Variants in KLRD1 observed in about 807,000 individuals in gnomAD.
KLRD1 encodes natural killer cells antigen CD94.
Under a neutral mutation model 22.6 loss-of-function variants are expected in KLRD1, and 21 were observed. The observed-to-expected ratio is 0.93, with a 90% CI of 0.66 to 1.34. The LOEUF is 1.34. Ranked by LOEUF, KLRD1 falls within the 40% of genes most tolerant of loss-of-function variation. KLRD1 has a pLI of 0.00. For synonymous variants in KLRD1, 59 were observed against 71.1 expected, an observed-to-expected ratio of 0.83 and a Z score of 0.85; for missense variants, 183 against 208.6, an observed-to-expected ratio of 0.88 and a Z score of 0.76.
chr12:10,261,041 A>G (rs1949449338), intron 1 of KLRD1, among the ~76,000 whole-genome samples: 1 of 152,090 alleles, frequency 6.6e-6, no homozygotes, highest in Non-Finnish European at 1.5e-5. Context: ...CTTTATGTGC[A>G]TTTTTTGTTT....
intron 1 of KLRD1, 37 bp from the exon 2 acceptor site, chr12:10,309,351 C>T: frequency 1.1e-6 from 1 of 917,228 alleles, no homozygotes; most frequent in Admixed American, 2.0e-5. Context: ...CCTGAGTTTG[C>T]TCTTTAAGTC....
chr12:10,311,552 A>G lies in KLRD1; in HGVS notation c.252A>G (p.Glu84=). 6.2e-7 allele frequency: 1 copy of G among 1,614,132 alleles called. No individual in the cohort carries two copies. The change falls in exon 4 of 6, where the codon GAA becomes GAG. Residue 84 remains glutamate (E), a synonymous_variant. Transcript: ENST00000336164. ...FISSEQKTWN[E]SRHLCASQKS... ...CCAGTGAACAGAAAACTTGGAACGA[A>G]AGTCGGCATCTCTGTGCTTCTCAGA...
At chr12:10,270,445 G>T (rs2537796) in intron 1 of KLRD1, among the ~76,000 whole-genome samples, 148,892 of 152,282 alleles carry the variant, frequency 0.98, 72,870 homozygotes, top group East Asian at 1. Context: ...ATGGAGACAC[G>T]GTTCAAAAAG....
chr12:10,274,778 A>G (rs1949578319), intron 1 of KLRD1, among the ~76,000 whole-genome samples: 1 of 152,182 alleles, frequency 6.6e-6, no homozygotes, highest in Non-Finnish European at 1.5e-5. Flanking sequence ...TATGTATTTT[A>G]AAGAGTTTTT....
At chr12:10,269,867 T>A (rs2537797) in intron 1 of KLRD1, among the ~76,000 whole-genome samples, 148,234 of 152,236 alleles carry the variant, frequency 0.97, 72,282 homozygotes, top group East Asian at 1. Flanking sequence ...TAATATTAAG[T>A]CAAATTTAGT....
upstream of KLRD1, among the ~76,000 whole-genome samples, chr12:10,301,923 ATAGT>A (rs1046774456): frequency 8.5e-5 from 13 of 152,254 alleles, no homozygotes; most frequent in African/African-American, 2.6e-4. Context: ...ATCTCAGGTA[ATAGT>A]TAGGCTTGAG....
At chr12:10,283,621 A>C (rs1949667870) in intron 1 of KLRD1, among the ~76,000 whole-genome samples, 1 of 152,102 alleles carries the variant, frequency 6.6e-6, no homozygotes, top group Non-Finnish European at 1.5e-5. Context: ...GAGGGGAAAG[A>C]CAAAATAACA....
At chr12:10,245,984 A>G (rs1442111526) in intron 1 of KLRD1, among the ~76,000 whole-genome samples, 5 of 152,158 alleles carry the variant, frequency 3.3e-5, no homozygotes, top group Admixed American at 2.6e-4. Flanking sequence ...ATGCCTGGCC[A>G]ATTTACTTTA....
rs1381466136 is a variant in KLRD1 at position 10,309,676 on chromosome 12, G to A, written c.151G>A (p.Glu51Lys). 10 of 1,612,074 alleles carry A rather than the reference G, an allele frequency of 6.2e-6. No individual in the cohort carries two copies. The highest frequency in any genetic ancestry group is 8.5e-6 in the Non-Finnish European group (10 of 1,178,466). Reference sequence around the variant, plus strand: ...AGCATTTACTCCAGGACCCAACATAGAACTCCAGAAAGGTAGGTCACATTT... The same window carrying A: ...AGCATTTACTCCAGGACCCAACATAAAACTCCAGAAAGGTAGGTCACATTT... ...EPAFTPGPNIELQKDSDCCSC... is the reference protein window; with the variant it reads ...EPAFTPGPNIKLQKDSDCCSC... The change falls in exon 3 of 6, where the codon GAA becomes AAA. Residue 51 changes from glutamate to lysine, a missense_variant. Coordinates refer to ENST00000336164, the MANE Select transcript of KLRD1 (RefSeq NM_002262.5).
rs1413370323 is a variant in KLRD1 at position 10,329,036 on chromosome 12, T to C, written c.*14243T>C. 2 of 152,152 alleles carry C rather than the reference T, an allele frequency of 1.3e-5. No individual in the cohort carries two copies. Among genetic ancestry groups the C allele is most frequent in the Non-Finnish European group, 2.9e-5 (2 of 68,022 alleles). The allele number at this position is 152,152 out of a possible 1,614,324, so 9.4% of individuals were successfully genotyped here. A position where few individuals can be genotyped will look rare whatever the true frequency, so the allele number is the denominator to read the frequency against. On this transcript the variant is annotated 3_prime_UTR_variant, in exon 6 of 6. Coordinates refer to ENST00000336164, the MANE Select transcript of KLRD1 (RefSeq NM_002262.5). ...GGGTCCCTCCACCAACATGGGGGAA[T>C]TATGGGAGCTACAATTCAAGATGAG...
At chr12:10,299,216 G>GTT in intron 1 of KLRD1, among the ~76,000 whole-genome samples, 1 of 149,026 alleles carries the variant, frequency 6.7e-6, no homozygotes, top group East Asian at 2.0e-4. Flanking sequence ...GTTTTGTTTT[G>GTT]TTTTGTTTTT....
rs891770449 is a variant in KLRD1, at chr12:10,317,088, C to G, written c.*2295C>G. ...TGAGAATGATGGTTTCCAGCTTCATCCATGTCGCTGCAAAGGACATGAACT... is the reference window on the plus strand; with the variant it reads ...TGAGAATGATGGTTTCCAGCTTCATGCATGTCGCTGCAAAGGACATGAACT... On this transcript the variant is annotated 3_prime_UTR_variant, in exon 6 of 6. Coordinates refer to ENST00000336164, the MANE Select transcript of KLRD1 (RefSeq NM_002262.5). The G allele has an allele frequency of 1.3e-5, 2 of 152,166 alleles. No individual in the cohort carries two copies. Among genetic ancestry groups the G allele is most frequent in the Non-Finnish European group, 2.9e-5 (2 of 68,058 alleles). The allele number at this position is 152,166 out of a possible 1,614,324, so 9.4% of individuals were successfully genotyped here.
chr12:10,312,891 G>C (rs1016721880), intron 4 of KLRD1, among the ~76,000 whole-genome samples: 1 of 151,716 alleles, frequency 6.6e-6, no homozygotes, highest in Non-Finnish European at 1.5e-5. Flanking sequence ...GGAGGCGGAG[G>C]CAGGAGAATG....
rs1950263584 is a variant in KLRD1, at chr12:10,317,809, T to A, written c.*3016T>A. 6.6e-6 allele frequency: 1 copy of A among 152,216 alleles called. No individual in the cohort carries two copies. The allele number at this position is 152,216 out of a possible 1,614,324, so 9.4% of individuals were successfully genotyped here. A position where few individuals can be genotyped will look rare whatever the true frequency, so the allele number is the denominator to read the frequency against. The stretch of plus-strand genomic sequence containing the variant: ...ATAAAGACATTTAATTGACTCACAG[T>A]TCTGCAGGGTTGGAGAAGCCTCAGG... On this transcript the variant is annotated 3_prime_UTR_variant, in exon 6 of 6. Coordinates refer to ENST00000336164, the MANE Select transcript of KLRD1 (RefSeq NM_002262.5).
intron 1 of KLRD1, among the ~76,000 whole-genome samples, chr12:10,259,312 CCAT>C (rs1254012828): frequency 1.3e-5 from 2 of 152,142 alleles, no homozygotes; most frequent in African/African-American, 4.8e-5. Context: ...ATGCATTCCT[CCAT>C]CATCATCATA....
upstream of KLRD1, among the ~76,000 whole-genome samples, chr12:10,305,349 C>T (rs543512396): frequency 6.6e-6 from 1 of 152,248 alleles, no homozygotes; most frequent in Admixed American, 6.5e-5. Context: ...GGAATTTAGT[C>T]TGGTTTCTCT....
chr12:10,305,668 C>G (rs1412823221), upstream of KLRD1, among the ~76,000 whole-genome samples: 1 of 152,144 alleles, frequency 6.6e-6, no homozygotes, highest in African/African-American at 2.4e-5. Context: ...ATTAGCATGT[C>G]TGAGAACAGC....
At chr12:10,271,916 G>A (rs1341444468) in intron 1 of KLRD1, among the ~76,000 whole-genome samples, 4 of 151,702 alleles carry the variant, frequency 2.6e-5, no homozygotes, top group East Asian at 1.9e-4. Flanking sequence ...TACAATAATC[G>A]TTTATAGATC....
At position 10,316,410 on chromosome 12, in the gene KLRD1, T is replaced by G. The variant is rs1292680072; in HGVS notation, c.*1617T>G. On this transcript the variant is annotated 3_prime_UTR_variant, in exon 6 of 6. Coordinates refer to ENST00000336164, the MANE Select transcript of KLRD1 (RefSeq NM_002262.5). ...TTATTTTATTTTTTACTTTTATTAT[T>G]TTTTTTTCTGAGACACGGTTTCATT... 1 of 151,960 alleles carries G rather than the reference T, an allele frequency of 6.6e-6. No homozygotes were observed. The highest frequency in any genetic ancestry group is 1.5e-5 in the Non-Finnish European group (1 of 67,986). 9.4% of individuals were successfully genotyped at this position (151,960 alleles called of 1,614,324 possible).
Sources: allele counts gnomAD v4.1 joint callset (sites outside exome capture counted in the v4.1 genomes callset), GRCh38; gene constraint gnomAD v4.1.1; transcripts MANE v1.5; gene names NCBI Gene and HGNC (gene_info 2026-07-23, HGNC 2026-07-21).